Variants in PAXBP1 observed in about 807,000 individuals in gnomAD.
PAXBP1 encodes PAX3 and PAX7 binding protein 1, also known as PAX3- and PAX7-binding protein 1.
A neutral mutation model predicts 119.9 loss-of-function variants in PAXBP1; 44 were observed. The observed-to-expected ratio is 0.37, with a 90% confidence interval of 0.29 to 0.47. PAXBP1 has a LOEUF of 0.47. Ranked by LOEUF, PAXBP1 falls within the 20% of genes least tolerant of loss-of-function variation. The probability of loss-of-function intolerance (pLI) is 0.99; values close to 1 mark genes in which losing one functional copy is unlikely to be tolerated. For synonymous variants in PAXBP1, 393 were observed against 406.6 expected (o/e 0.97, Z 0.40); for missense variants, 898 against 1,134.1 (o/e 0.79, Z 2.99).
rs1308954273 is a variant in PAXBP1 at position 32,734,957 on chromosome 21, C to T, written c.2747G>A (p.Gly916Glu). ...TTTTTCAGTCTCATAGATCTATTTT[C>T]CTTCGATCAAAGACTTAAATTCTTT... ...NVKEFKSLIE[G>E]K Residue 916 changes from glycine (G) to glutamate (E), a missense_variant, in exon 18 of 18, where the codon GGA becomes GAA. By Grantham distance (98) the Gly-to-Glu change is moderately conservative. Around this residue, in one of 2 missense-constraint regions of PAXBP1, gnomAD observed 599 missense variants for 852.7 expected, o/e 0.70. Transcript: ENST00000331923. 10 of 1,611,536 alleles carry T rather than the reference C, an allele frequency of 6.2e-6. No individual in the cohort carries two copies. The highest frequency in any genetic ancestry group is 8.5e-6 in the Non-Finnish European group (10 of 1,178,004).
chr21:32,738,053 A>T, intron 16 of PAXBP1, 120 bp downstream of exon 16: 2 of 1,029,338 alleles, frequency 1.9e-6, no homozygotes, highest in Non-Finnish European at 2.7e-6. Flanking sequence ...TGTCAACCTT[A>T]CATGCAAGTC....
intron 2 of PAXBP1, among the ~76,000 whole-genome samples, chr21:32,768,665 T>C (rs1267861207): frequency 6.6e-6 from 1 of 152,238 alleles, no homozygotes; most frequent in Non-Finnish European, 1.5e-5. Context: ...TCTCTCCTCA[T>C]GCTGCATGTT....
Position 32,771,573 on chromosome 21 carries a change from C to G in PAXBP1, c.96G>C (p.Leu32Phe). Residue 32 changes from leucine to phenylalanine, a missense_variant, in exon 1 of 18, where the codon TTG becomes TTC. Around this residue, in one of 2 missense-constraint regions of PAXBP1, gnomAD observed 299 missense variants for 281.4 expected, o/e 1.06. Transcript: ENST00000331923. ...CTTCGCCCGTGCCCGGCGGCGGCAA[C>G]AACGGCGGCGGCTCCTGCTCCTCAT... is the stretch of plus-strand genomic sequence containing the variant. ...ERDEEQEPPP[L>F]LPPPGTGEEA... The G allele has an allele frequency of 7.0e-7, 1 of 1,435,426 alleles. No homozygotes were observed. Among genetic ancestry groups the G allele is most frequent in the Non-Finnish European group, 9.1e-7 (1 of 1,098,208 alleles). 88.9% of individuals were successfully genotyped at this position (1,435,426 alleles called of 1,614,324 possible).
intron 4 of PAXBP1, 93 bp from the exon 5 acceptor site, chr21:32,761,255 A>C: frequency 1.1e-6 from 1 of 894,542 alleles, no homozygotes. Context: ...ACTGAGCAAA[A>C]CTATTAACTC....
intron 12 of PAXBP1, 133 bp from the exon 13 acceptor site, chr21:32,745,046 G>A (rs2043852625): frequency 2.0e-6 from 2 of 986,330 alleles, no homozygotes; most frequent in Non-Finnish European, 2.9e-6. Context: ...AGTCTTCTTT[G>A]TCCTATTAAC....
intron 3 of PAXBP1, among the ~76,000 whole-genome samples, chr21:32,762,638 G>T (rs1412460326): frequency 6.6e-6 from 1 of 151,794 alleles, no homozygotes; most frequent in Non-Finnish European, 1.5e-5. Flanking sequence ...AATAGAAGTG[G>T]CCGGGCACAG....
Position 32,733,984 on chromosome 21 carries a change from T to C in PAXBP1, c.*966A>G, listed in dbSNP as rs1601576741. The C allele has an allele frequency of 6.6e-6, 1 of 152,610 alleles. No homozygotes were observed. Among genetic ancestry groups the C allele is most frequent in the African/African-American group, 2.4e-5 (1 of 41,440 alleles). 9.5% of individuals were successfully genotyped at this position (152,610 alleles called of 1,614,324 possible). A position where few individuals can be genotyped will look rare whatever the true frequency, so the allele number is the denominator to read the frequency against. On this transcript the variant is annotated 3_prime_UTR_variant, in exon 18 of 18. Transcript: ENST00000331923. ...GATAGTCCTTAATTTCCAAAAAAAT[T>C]CCTCTTTTGAAAATCACAGAATCAG...
At position 32,737,245 on chromosome 21, in the gene PAXBP1, C is replaced by A. The variant is rs1347342397; in HGVS notation, c.2636+9G>T. ...CTCTAGATTACCATTTCATTAATTA[C>A]AAAATTACCTTGCATTTCTTTTTTC... On this transcript the variant is annotated intron_variant, in intron 17 of 17. Transcript: ENST00000331923. 6.6e-7 allele frequency: 1 copy of A among 1,507,434 alleles called. No homozygotes were observed. Among genetic ancestry groups the A allele is most frequent in the Non-Finnish European group, 8.9e-7 (1 of 1,122,680 alleles). 93.4% of individuals were successfully genotyped at this position (1,507,434 alleles called of 1,614,324 possible).
rs767019929 is a variant in PAXBP1 at position 32,771,320 on chromosome 21, C to T, written c.343+6G>A. The T allele has an allele frequency of 6.3e-7, 1 of 1,578,368 alleles. No homozygotes were observed. Among genetic ancestry groups the T allele is most frequent in the Non-Finnish European group, 8.5e-7 (1 of 1,170,066 alleles). ...CGTCTAAGGGCGTCCGAAGCGCGCACTTTACCTTCCTCCTCGTCCTGGAAG... is the reference window on the plus strand; with the variant it reads ...CGTCTAAGGGCGTCCGAAGCGCGCATTTTACCTTCCTCCTCGTCCTGGAAG... On this transcript the variant is annotated splice_donor_region_variant and intron_variant, in intron 1 of 17. Transcript: ENST00000331923.
At chr21:32,743,585 G>T in intron 14 of PAXBP1, 93 bp downstream of exon 14, 1 of 957,706 alleles carries the variant, frequency 1.0e-6, no homozygotes, top group Non-Finnish European at 1.6e-6. Context: ...CATGGGTGAA[G>T]TTTGTATTTC....
intron 2 of PAXBP1, 57 bp from the exon 3 acceptor site, chr21:32,764,581 T>C (rs1399046475): frequency 7.3e-7 from 1 of 1,376,114 alleles, no homozygotes; most frequent in Non-Finnish European, 9.8e-7. Context: ...TTAAGAAAGT[T>C]TATTCCAATG....
At chr21:32,758,538 G>A (rs1177006825) in intron 7 of PAXBP1, among the ~76,000 whole-genome samples, 1 of 144,664 alleles carries the variant, frequency 6.9e-6, no homozygotes, top group Non-Finnish European at 1.5e-5. Context: ...TGGGAGAAAT[G>A]AAACCTTAGA....
intron 7 of PAXBP1, 54 bp downstream of exon 7, chr21:32,759,026 T>C (rs1182733689): frequency 7.0e-6 from 11 of 1,561,720 alleles, no homozygotes; most frequent in Non-Finnish European, 8.8e-6. Flanking sequence ...CAAGGCCATC[T>C]AGACCTCCCT....
intron 15 of PAXBP1, chr21:32,742,723 T>C (rs1179809408): frequency 4.1e-6 from 1 of 242,220 alleles, no homozygotes; most frequent in Non-Finnish European, 8.2e-6. Context: ...CAGTCAGCTG[T>C]GGCACAGTAC....
At chr21:32,752,305 CA>C (rs747315066) in intron 8 of PAXBP1, among the ~76,000 whole-genome samples, 1 of 151,930 alleles carries the variant, frequency 6.6e-6, no homozygotes, top group African/African-American at 2.4e-5. Context: ...TCTCTTTAAT[CA>C]AAAAAGACTC....
chr21:32,770,963 A>G (rs1410385673), intron 1 of PAXBP1, among the ~76,000 whole-genome samples: 2 of 152,222 alleles, frequency 1.3e-5, no homozygotes, highest in African/African-American at 4.8e-5. Context: ...AGTGACCTGC[A>G]GAGGGCTCGG....
intron 13 of PAXBP1, 32 bp downstream of exon 13, chr21:32,744,756 GAAAA>G: frequency 8.5e-7 from 1 of 1,183,112 alleles, no homozygotes; most frequent in Non-Finnish European, 1.2e-6. Flanking sequence ...ACAGAAAGAG[GAAAA>G]AAAAAAAAGG....
intron 7 of PAXBP1, chr21:32,756,771 C>A (rs1396147599): frequency 1.2e-5 from 2 of 165,090 alleles, no homozygotes; most frequent in Non-Finnish European, 2.6e-5. Flanking sequence ...AACTACCCAC[C>A]TAAGCTGGCA....
chr21:32,762,681 G>A (rs2044169785), intron 3 of PAXBP1, among the ~76,000 whole-genome samples: 1 of 151,874 alleles, frequency 6.6e-6, no homozygotes, highest in East Asian at 1.9e-4. Context: ...CACTTTGGGA[G>A]GCTGAGGCAG....
Sources: gnomAD v4.1 joint callset for allele counts (sites outside exome capture counted in the v4.1 genomes callset) on GRCh38, gnomAD v4.1.1 for gene constraint, gnomAD v4.1.1 regional missense constraint, MANE v1.5 for transcripts, NCBI Gene and HGNC (gene_info 2026-07-23, HGNC 2026-07-21) for gene names.